Variants in SYNPO observed in about 807,000 individuals in gnomAD.
The protein encoded by SYNPO is synaptopodin.
A neutral mutation model predicts 49.5 loss-of-function variants in SYNPO; 19 were observed. That is an observed-to-expected ratio of 0.38 (90% CI 0.27 to 0.56). The LOEUF is 0.56. Ranked by LOEUF, SYNPO falls within the 20% of genes least tolerant of loss-of-function variation. The pLI, the probability that SYNPO is intolerant of heterozygous loss-of-function variation, is 0.68. For missense variants in SYNPO, 1,131 were observed against 1,248.3 expected (o/e 0.91, Z 1.42); for synonymous variants, 536 against 548.0 (o/e 0.98, Z 0.31).
the SYNPO span, among the ~76,000 whole-genome samples, chr5:150,589,021 G>GTACT: frequency 6.6e-6 from 1 of 151,590 alleles, no homozygotes; most frequent in Non-Finnish European, 1.5e-5. Context: ...AAGTGGTAAT[G>GTACT]TACTATACAC....
chr5:150,616,834 C>T (rs536921072), intron 1 of SYNPO, among the ~76,000 whole-genome samples: 1 of 152,158 alleles, frequency 6.6e-6, no homozygotes, highest in Non-Finnish European at 1.5e-5. Flanking sequence ...CCATCTACCC[C>T]CTCCTCACCA....
At chr5:150,629,638 G>T (rs11947995) in intron 2 of SYNPO, among the ~76,000 whole-genome samples, 1 of 152,160 alleles carries the variant, frequency 6.6e-6, no homozygotes, top group Non-Finnish European at 1.5e-5. Context: ...AGACCCTTGC[G>T]TGTAATCCTC....
chr5:150,640,796 G>T lies in SYNPO; in HGVS notation c.-391G>T. ...TTTGCCGGAGGCTTTGAGAACCAAG[G>T]CTTGAAGGCCGGCAGGAGCATCCAG... On this transcript the variant is annotated 5_prime_UTR_variant, in exon 1 of 3. Transcript: ENST00000307662. 1 of 985,636 alleles carries T rather than the reference G, an allele frequency of 1.0e-6. No individual in the cohort carries two copies. The highest frequency in any genetic ancestry group is 1.2e-6 in the Non-Finnish European group (1 of 829,950). The allele number at this position is 985,636 out of a possible 1,614,324, so 61.1% of individuals were successfully genotyped here. A position where few individuals can be genotyped will look rare whatever the true frequency, so the allele number is the denominator to read the frequency against.
At chr5:150,603,339 G>T (rs1756602806) in intron 1 of SYNPO, among the ~76,000 whole-genome samples, 1 of 152,244 alleles carries the variant, frequency 6.6e-6, no homozygotes, top group Non-Finnish European at 1.5e-5. Flanking sequence ...ACTAGCCAGG[G>T]AGAGGTGCAC....
the SYNPO span, among the ~76,000 whole-genome samples, chr5:150,589,945 C>G: frequency 1.3e-5 from 2 of 152,182 alleles, no homozygotes; most frequent in Non-Finnish European, 2.9e-5. Flanking sequence ...ATGCAAGGAC[C>G]CACATCCCCC....
the SYNPO span, among the ~76,000 whole-genome samples, chr5:150,587,132 T>C: frequency 4.4e-4 from 66 of 151,500 alleles, no homozygotes; most frequent in Middle Eastern, 3.2e-3. Context: ...GGATGAGTAT[T>C]TGGATGTATG....
chr5:150,649,115 G>C lies in SYNPO; in HGVS notation c.840G>C (p.Arg280Ser), dbSNP rs1224739549. The C allele has an allele frequency of 2.5e-6, 4 of 1,613,928 alleles. No homozygotes were observed. The highest frequency in any genetic ancestry group is 3.4e-6 in the Non-Finnish European group (4 of 1,179,942). Residue 280 changes from arginine to serine, a missense_variant, in exon 2 of 3, where the codon AGG becomes AGC. Coordinates refer to ENST00000307662, the MANE Select transcript of SYNPO (RefSeq NM_007286.6). ...CCCAGCCCCCCAGTTTGCCAGACAG[G>C]AGCCCCCGGCCACAGAGACACATAA... ...PAPQPPSLPD[R>S]SPRPQRHIMS...
chr5:150,641,094 A>G (rs1757887864), intron 1 of SYNPO, among the ~76,000 whole-genome samples: 1 of 152,174 alleles, frequency 6.6e-6, no homozygotes, highest in African/African-American at 2.4e-5. Context: ...TCTCCTCCCA[A>G]GAGGAGGTCT....
chr5:150,649,546 G>C lies in SYNPO; in HGVS notation c.1271G>C (p.Gly424Ala). 6.2e-7 allele frequency: 1 copy of C among 1,610,516 alleles called. No homozygotes were observed. Among genetic ancestry groups the C allele is most frequent in the African/African-American group, 1.3e-5 (1 of 74,958 alleles). The change falls in exon 2 of 3, where the codon GGG becomes GCG. Residue 424 changes from glycine (G) to alanine (A), a missense_variant. Physicochemically the swap from Gly to Ala is moderately conservative, Grantham distance 60. This residue lies in a region of SYNPO where 602 missense variants were observed against 720.7 expected (regional missense o/e 0.84). Transcript: ENST00000307662. ...VGVEEEPFAL[G>A]AEASNFQQEP... ...GTGGAGGAGGAGCCCTTCGCACTGG[G>C]GGCCGAGGCCTCCAACTTCCAGCAG...
intron 1 of SYNPO, among the ~76,000 whole-genome samples, chr5:150,610,230 A>G (rs554824612): frequency 6.6e-6 from 1 of 152,284 alleles, no homozygotes; most frequent in East Asian, 1.9e-4. Flanking sequence ...CAGGCTTGTC[A>G]TTGTGCAGGG....
At chr5:150,599,814 A>C (rs908052188), upstream of SYNPO, among the ~76,000 whole-genome samples, 1 of 152,190 alleles carries the variant, frequency 6.6e-6, no homozygotes, top group Non-Finnish European at 1.5e-5. Context: ...TGCATTTATC[A>C]TGGGCACTTA....
At chr5:150,627,515 C>T (rs953494653) in intron 2 of SYNPO, among the ~76,000 whole-genome samples, 1 of 152,078 alleles carries the variant, frequency 6.6e-6, no homozygotes. Context: ...AGGCCCCTGC[C>T]CTCAAGGCAC....
intron 1 of SYNPO, chr5:150,608,552 AT>A (rs1286675914): frequency 6.6e-6 from 1 of 150,682 alleles, no homozygotes; most frequent in African/African-American, 2.4e-5. Flanking sequence ...AAAACCCACT[AT>A]TTTTAATACA....
At chr5:150,627,188 C>T (rs1757384780) in intron 2 of SYNPO, among the ~76,000 whole-genome samples, 1 of 152,206 alleles carries the variant, frequency 6.6e-6, no homozygotes, top group Non-Finnish European at 1.5e-5. Context: ...TGAGGGGAAG[C>T]AGGCAGGGCT....
intron 2 of SYNPO, among the ~76,000 whole-genome samples, chr5:150,628,418 A>G (rs1757433127): frequency 6.6e-6 from 1 of 152,012 alleles, no homozygotes; most frequent in South Asian, 2.1e-4. Flanking sequence ...CTGTGGTTGG[A>G]CCTCTGGGTT....
At chr5:150,607,343 A>G (rs1368536470) in intron 1 of SYNPO, among the ~76,000 whole-genome samples, 2 of 152,204 alleles carry the variant, frequency 1.3e-5, no homozygotes, top group South Asian at 2.1e-4. Context: ...ATGGTCTTAC[A>G]ATGCTCTGTG....
chr5:150,592,195 A>C, the SYNPO span, among the ~76,000 whole-genome samples: 1 of 152,146 alleles, frequency 6.6e-6, no homozygotes, highest in Non-Finnish European at 1.5e-5. Context: ...AAGAAGAAGA[A>C]GAAGAAAAGA....
At chr5:150,630,368 C>T (rs1757497635) in intron 2 of SYNPO, among the ~76,000 whole-genome samples, 1 of 152,196 alleles carries the variant, frequency 6.6e-6, no homozygotes, top group South Asian at 2.1e-4. Context: ...CATCCCTGAG[C>T]CTCCTGTCCT....
chr5:150,652,407 C>G, intron 2 of SYNPO: 1 of 986,194 alleles, frequency 1.0e-6, no homozygotes, highest in Non-Finnish European at 1.2e-6. Context: ...CTGATTCTAG[C>G]CTGGGAAGTG....
Sources: gnomAD v4.1 joint callset for allele counts (sites outside exome capture counted in the v4.1 genomes callset) on GRCh38, gnomAD v4.1.1 for gene constraint, gnomAD v4.1.1 regional missense constraint, MANE v1.5 for transcripts, NCBI Gene and HGNC (gene_info 2026-07-23, HGNC 2026-07-21) for gene names.